TAF4: variants seen among roughly 807,000 people sequenced by gnomAD.
TAF4 encodes TATA-box binding protein associated factor 4, also known as transcription initiation factor TFIID subunit 4.
A neutral mutation model predicts 90.3 loss-of-function variants in TAF4; 9 were observed. The ratio of observed to expected loss-of-function variants is 0.10; its 90% CI spans 0.06 to 0.17. TAF4 has a LOEUF of 0.17. TAF4 is among the 10% of genes least tolerant of loss of function. TAF4 has a pLI of 1.00. For missense variants in TAF4, 1,351 were observed against 1,370.7 expected (o/e 0.99, Z 0.23); for synonymous variants, 818 against 638.9 (o/e 1.28, Z -4.23).
intron 1 of TAF4, among the ~76,000 whole-genome samples, chr20:62,015,067 T>C (rs1396819445): frequency 6.6e-6 from 1 of 152,108 alleles, no homozygotes; most frequent in African/African-American, 2.4e-5. Flanking sequence ...CCCCACCTCC[T>C]GCCTGTGCCA....
intron 11 of TAF4, among the ~76,000 whole-genome samples, 167 bp from the exon 12 acceptor site, chr20:61,999,275 C>G (rs76539668): frequency 6.6e-6 from 1 of 152,188 alleles, no homozygotes; most frequent in East Asian, 1.9e-4. Flanking sequence ...CCCGAGAGCT[C>G]TATCGATGCT....
At position 62,065,211 on chromosome 20, in the gene TAF4, C is replaced by G; in HGVS notation, c.600G>C (p.Gly200=). Residue 200 remains glycine, a synonymous_variant, in exon 1 of 15, where the codon GGG becomes GGC. Coordinates refer to ENST00000252996, the MANE Select transcript of TAF4 (RefSeq NM_003185.4). ...GGTGCGAGTTCAGCAGCGCGGCGCT[C>G]CCATTCAAAGTTTGCGCGGCGCCGG... The part of the protein sequence containing the change: ...AGPGAAQTLN[G]SAALLNSHHA... 1 of 1,171,860 alleles carries G rather than the reference C, an allele frequency of 8.5e-7. No homozygotes were observed. The highest frequency in any genetic ancestry group is 1.5e-5 in the South Asian group (1 of 67,806). The allele number at this position is 1,171,860 out of a possible 1,614,324, so 72.6% of individuals were successfully genotyped here.
intron 1 of TAF4, among the ~76,000 whole-genome samples, chr20:62,046,080 C>G (rs2055991699): frequency 1.3e-5 from 2 of 152,374 alleles, no homozygotes; most frequent in South Asian, 4.1e-4. Flanking sequence ...CCCCGTGCAG[C>G]AGACGGCAGA....
chr20:62,034,395 C>T (rs1301266919), intron 1 of TAF4, among the ~76,000 whole-genome samples: 3 of 152,178 alleles, frequency 2.0e-5, no homozygotes, highest in African/African-American at 4.8e-5. Context: ...ACAATCATAG[C>T]TCACTGTAGC....
At chr20:61,980,941 C>T (rs1189749077) in intron 14 of TAF4, 1 of 152,464 alleles carries the variant, frequency 6.6e-6, no homozygotes, top group Non-Finnish European at 1.5e-5. Context: ...CCAGGAAGGT[C>T]AGTGCAGACC....
rs2055586217 is a variant in TAF4, at chr20:61,985,855, C to G, written c.3091-9520G>C. Among the ~76,000 whole-genome samples, 4 of 151,470 alleles carry G rather than the reference C, an allele frequency of 2.6e-5. 1 individual carries two copies. The South Asian group carries it at 8.3e-4, about 32-fold the overall frequency. ...GGACACCCCAGGAGCAATGAGCACA[C>G]CTGCTGCCCAGAGTATGGTTCTAAA... On this transcript the variant is annotated intron_variant, in intron 14 of 14. Coordinates refer to ENST00000252996, the MANE Select transcript of TAF4 (RefSeq NM_003185.4).
At chr20:62,005,075 C>T (rs2055735499) in intron 7 of TAF4, 1 of 152,370 alleles carries the variant, frequency 6.6e-6, no homozygotes, top group African/African-American at 2.4e-5. Context: ...GGGAAGCGGC[C>T]TATAATGCAA....
chr20:62,046,887 C>T (rs1298010695), intron 1 of TAF4, among the ~76,000 whole-genome samples: 1 of 152,194 alleles, frequency 6.6e-6, no homozygotes, highest in Non-Finnish European at 1.5e-5. Context: ...TCTATTCAAA[C>T]CTTCTGCCCA....
In TAF4 at chr20:61,975,700, G is replaced by C. The variant is rs1704883335; in HGVS notation, c.*468C>G. On this transcript the variant is annotated 3_prime_UTR_variant, in exon 15 of 15. Coordinates refer to ENST00000252996, the MANE Select transcript of TAF4 (RefSeq NM_003185.4). The stretch of plus-strand genomic sequence containing the variant: ...AGAGGAGAGCGGGGTGGGAGGGGAA[G>C]GGAAGGAAGATAAATAGTCTAAAAA... 1 of 160,286 alleles carries C rather than the reference G, an allele frequency of 6.2e-6. No individual in the cohort carries two copies. Among genetic ancestry groups the C allele is most frequent in the Non-Finnish European group, 1.4e-5 (1 of 72,908 alleles). The allele number at this position is 160,286 out of a possible 1,614,324, so 9.9% of individuals were successfully genotyped here. A position where few individuals can be genotyped will look rare whatever the true frequency, so the allele number is the denominator to read the frequency against.
rs555235682 is a variant in TAF4 at position 62,037,892 on chromosome 20, A to C, written c.1361-23185T>G. ...ACGAGCGTTCTTAAAGTGATCAAGAAGACCTGAACCTCTGGATTTGCACGA... is the reference window on the plus strand; with the variant it reads ...ACGAGCGTTCTTAAAGTGATCAAGACGACCTGAACCTCTGGATTTGCACGA... On this transcript the variant is annotated intron_variant, in intron 1 of 14. Coordinates refer to ENST00000252996, the MANE Select transcript of TAF4 (RefSeq NM_003185.4). 10 of 217,510 alleles carry C rather than the reference A, an allele frequency of 4.6e-5. No homozygotes were observed. In the South Asian group the frequency reaches 8.1e-4, roughly 18 times the overall value. 13.5% of individuals were successfully genotyped at this position (217,510 alleles called of 1,614,324 possible).
chr20:61,976,846 G>A (rs2055497702), intron 14 of TAF4, among the ~76,000 whole-genome samples: 1 of 152,220 alleles, frequency 6.6e-6, no homozygotes, highest in Admixed American at 6.5e-5. Flanking sequence ...CTCCCACAGT[G>A]ATCCCTGAGC....
At chr20:61,990,198 T>G (rs905568631) in intron 14 of TAF4, among the ~76,000 whole-genome samples, 1 of 152,034 alleles carries the variant, frequency 6.6e-6, no homozygotes, top group Non-Finnish European at 1.5e-5. Context: ...AGTGTACATA[T>G]TGAAAAAGTA....
chr20:61,979,553 C>T (rs2055522775), intron 14 of TAF4, among the ~76,000 whole-genome samples: 1 of 144,246 alleles, frequency 6.9e-6, no homozygotes, highest in Non-Finnish European at 1.5e-5. Flanking sequence ...ATGGCCACTC[C>T]AGAGGGACTG....
chr20:62,048,218 G>C lies in TAF4; in HGVS notation c.1360+16233C>G, dbSNP rs535082158. ...GCGTGCCTGCCCAAGTCCCAGATGA[G>C]AAAGGGGGCTGCCTCTGGGAGTTCT... On this transcript the variant is annotated intron_variant, in intron 1 of 14. Transcript: ENST00000252996. 2.0e-5 allele frequency among the ~76,000 whole-genome samples: 3 copies of C among 152,346 alleles called. No homozygotes were observed. The East Asian group carries it at 5.8e-4, about 29-fold the overall frequency.
intron 1 of TAF4, among the ~76,000 whole-genome samples, chr20:62,062,526 C>T (rs2056095145): frequency 6.6e-6 from 1 of 152,194 alleles, no homozygotes; most frequent in East Asian, 1.9e-4. Flanking sequence ...TAGTAGCATT[C>T]GGCTCCTTGA....
At chr20:61,991,388 C>A (rs1207821193) in intron 14 of TAF4, among the ~76,000 whole-genome samples, 1 of 151,796 alleles carries the variant, frequency 6.6e-6, no homozygotes, top group Non-Finnish European at 1.5e-5. Flanking sequence ...AGAGCCACTG[C>A]ACTCCAGCCT....
chr20:62,061,997 A>G (rs2056091348), intron 1 of TAF4, among the ~76,000 whole-genome samples: 1 of 152,066 alleles, frequency 6.6e-6, no homozygotes, highest in Admixed American at 6.6e-5. Flanking sequence ...TCTCCCACCC[A>G]AGACCTCCAC....
intron 14 of TAF4, among the ~76,000 whole-genome samples, chr20:61,981,681 G>A (rs562990553): frequency 6.6e-6 from 1 of 152,186 alleles, no homozygotes; most frequent in South Asian, 2.1e-4. Context: ...AGAGCTGGGC[G>A]AATCTCCCCC....
At chr20:62,000,805 A>C (rs1180488399) in intron 9 of TAF4, 84 bp from the exon 10 acceptor site, 20 of 1,493,870 alleles carry the variant, frequency 1.3e-5, no homozygotes, top group African/African-American at 5.5e-5. Flanking sequence ...AGGAAACCCC[A>C]CGTGGAAGGC....
Sources: allele counts gnomAD v4.1 joint callset (sites outside exome capture counted in the v4.1 genomes callset), GRCh38; gene constraint gnomAD v4.1.1; transcripts MANE v1.5; gene names NCBI Gene and HGNC (gene_info 2026-07-23, HGNC 2026-07-21).